OPRD1: variants seen among roughly 807,000 people sequenced by gnomAD.
OPRD1 encodes delta-type opioid receptor.
A neutral mutation model predicts 17.5 loss-of-function variants in OPRD1; 19 were observed. The observed-to-expected ratio is 1.09, with a 90% confidence interval of 0.76 to 1.60. The LOEUF is 1.60. Ranked by LOEUF, OPRD1 falls within the 40% of genes most tolerant of loss-of-function variation. The pLI is 0.00. For missense variants in OPRD1, 483 were observed against 547.2 expected, an observed-to-expected ratio of 0.88 and a Z score of 1.17; for synonymous variants, 256 against 240.9, an observed-to-expected ratio of 1.06 and a Z score of -0.58.
At chr1:28,822,062 C>T (rs2088718708) in intron 1 of OPRD1, among the ~76,000 whole-genome samples, 1 of 151,792 alleles carries the variant, frequency 6.6e-6, no homozygotes, top group Non-Finnish European at 1.5e-5. Flanking sequence ...AGCGATTCTC[C>T]TGCCTCAGCC....
chr1:28,862,735 G>T lies in OPRD1; in HGVS notation c.578-7G>T. The T allele has an allele frequency of 6.3e-7, 1 of 1,581,970 alleles. No individual in the cohort carries two copies. Among genetic ancestry groups the T allele is most frequent in the Non-Finnish European group, 8.6e-7 (1 of 1,162,940 alleles). The stretch of plus-strand genomic sequence containing the variant: ...CCCGTCTGTCTTTCCTTGTTTCCGC[G>T]GCCCAGACGGGGCAGTGGTGTGCAT... On this transcript the variant is annotated splice_polypyrimidine_tract_variant and splice_region_variant and intron_variant, in intron 2 of 2. Coordinates refer to ENST00000234961, the MANE Select transcript of OPRD1 (RefSeq NM_000911.4).
chr1:28,816,142 C>T (rs2088670201), intron 1 of OPRD1, among the ~76,000 whole-genome samples: 1 of 152,182 alleles, frequency 6.6e-6, no homozygotes, highest in Non-Finnish European at 1.5e-5. Context: ...ATTCTACATG[C>T]TCTGTGCTAA....
rs1379290875 is a variant in OPRD1 at position 28,867,668 on chromosome 1, A to C, written c.*4385A>C. ...TCATACCTCGTCTTGATGCAGTAGA[A>C]GTAGTGGTTAAGCCTGGAATCAGAT... On this transcript the variant is annotated 3_prime_UTR_variant, in exon 3 of 3. Coordinates refer to ENST00000234961, the MANE Select transcript of OPRD1 (RefSeq NM_000911.4). 6.6e-6 allele frequency: 1 copy of C among 152,526 alleles called. No homozygotes were observed. The highest frequency in any genetic ancestry group is 1.5e-5 in the Non-Finnish European group (1 of 68,350). 9.4% of individuals were successfully genotyped at this position (152,526 alleles called of 1,614,324 possible).
chr1:28,821,643 T>C (rs1379491637), intron 1 of OPRD1, among the ~76,000 whole-genome samples: 6 of 152,238 alleles, frequency 3.9e-5, no homozygotes, highest in Non-Finnish European at 4.4e-5. Context: ...ATGTTAAGCA[T>C]GTGCTCTTCT....
At chr1:28,830,134 G>T (rs779935179) in intron 1 of OPRD1, among the ~76,000 whole-genome samples, 3 of 152,132 alleles carry the variant, frequency 2.0e-5, no homozygotes, top group Non-Finnish European at 4.4e-5. Flanking sequence ...TGGCCAGTCA[G>T]TGGAGCGGTC....
chr1:28,844,906 G>A (rs951270303), intron 1 of OPRD1, among the ~76,000 whole-genome samples: 11 of 151,716 alleles, frequency 7.3e-5, no homozygotes, highest in Non-Finnish European at 1.3e-4. Flanking sequence ...TACCACTCTC[G>A]GCTAATTTTT....
intron 1 of OPRD1, among the ~76,000 whole-genome samples, chr1:28,849,932 T>G (rs907261857): frequency 2.9e-4 from 41 of 141,602 alleles, no homozygotes; most frequent in Non-Finnish European, 3.8e-4. Context: ...CAGGCTGGAG[T>G]GCAGTGGCGC....
chr1:28,812,641 C>T, intron 1 of OPRD1, 31 bp downstream of exon 1: 1 of 1,454,688 alleles, frequency 6.9e-7, no homozygotes, highest in Non-Finnish European at 9.1e-7. Context: ...CGCCGCAGGG[C>T]TGGAGCCCGG....
intron 2 of OPRD1, among the ~76,000 whole-genome samples, chr1:28,861,381 A>G (rs899024806): frequency 6.6e-6 from 1 of 152,046 alleles, no homozygotes; most frequent in African/African-American, 2.4e-5. Context: ...TTCCTATCTC[A>G]AGAAGGAAGT....
chr1:28,841,449 G>T (rs949112898), intron 1 of OPRD1, among the ~76,000 whole-genome samples: 2 of 152,284 alleles, frequency 1.3e-5, no homozygotes, highest in South Asian at 2.1e-4. Flanking sequence ...ATAGATATGC[G>T]CTTGTGTCCT....
At position 28,861,472 on chromosome 1, in the gene OPRD1, T is replaced by G. The variant is rs1174137693; in HGVS notation, c.578-1270T>G. 3.9e-5 allele frequency among the ~76,000 whole-genome samples: 6 copies of G among 152,298 alleles called. No homozygotes were observed. The East Asian group carries it at 9.6e-4, about 24-fold the overall frequency. Reference sequence around the variant, plus strand: ...TTTTTGTTGTTGTTTTGAGACAGGGTCTCGCTCTGTCACCCAGGCTGGAGT... The same window carrying G: ...TTTTTGTTGTTGTTTTGAGACAGGGGCTCGCTCTGTCACCCAGGCTGGAGT... On this transcript the variant is annotated intron_variant, in intron 2 of 2. Transcript: ENST00000234961.
At chr1:28,835,632 C>T (rs1037715828) in intron 1 of OPRD1, among the ~76,000 whole-genome samples, 9 of 152,210 alleles carry the variant, frequency 5.9e-5, no homozygotes, top group African/African-American at 2.2e-4. Flanking sequence ...CCAGCTGGAC[C>T]CCGGCTGACT....
intron 1 of OPRD1, among the ~76,000 whole-genome samples, chr1:28,839,845 G>A (rs530323289): frequency 6.6e-6 from 1 of 152,360 alleles, no homozygotes; most frequent in Non-Finnish European, 1.5e-5. Context: ...GGGCACCTGG[G>A]CTGGCCCAGG....
rs1368106068 is a variant in OPRD1, at chr1:28,816,260, T to C, written c.227+3650T>C. Among the ~76,000 whole-genome samples, 3 of 151,834 alleles carry C rather than the reference T, an allele frequency of 2.0e-5. No individual in the cohort carries two copies. In the East Asian group the frequency reaches 5.8e-4, roughly 29 times the overall value. On this transcript the variant is annotated intron_variant, in intron 1 of 2. Transcript: ENST00000234961. ...TCCAATAAACTGAAGTTTGTAGCTGTGGTAGGGGCTATCTGTGAAAGTATG... is the reference window on the plus strand; with the variant it reads ...TCCAATAAACTGAAGTTTGTAGCTGCGGTAGGGGCTATCTGTGAAAGTATG...
chr1:28,858,790 C>A (rs1171072202), intron 1 of OPRD1, among the ~76,000 whole-genome samples, 164 bp from the exon 2 acceptor site: 2 of 152,104 alleles, frequency 1.3e-5, no homozygotes, highest in Admixed American at 6.6e-5. Flanking sequence ...AGGTGATCCA[C>A]CCGCCTTGGC....
intron 1 of OPRD1, among the ~76,000 whole-genome samples, chr1:28,853,441 T>C (rs542016942): frequency 1.6e-4 from 24 of 152,362 alleles, no homozygotes; most frequent in African/African-American, 5.5e-4. Context: ...GAGAGAAACC[T>C]TTCATTTGTT....
At chr1:28,858,275 G>A (rs1472898350) in intron 1 of OPRD1, among the ~76,000 whole-genome samples, 14 of 147,992 alleles carry the variant, frequency 9.5e-5, no homozygotes, top group Admixed American at 2.0e-4. Context: ...CATCACGCCC[G>A]GCTATTTTTT....
chr1:28,860,336 GC>G (rs1297948127), intron 2 of OPRD1, among the ~76,000 whole-genome samples: 1 of 150,468 alleles, frequency 6.6e-6, no homozygotes, highest in Non-Finnish European at 1.5e-5. Flanking sequence ...CTGCACTCCA[GC>G]TTGGGCGACA....
At chr1:28,819,909 G>T (rs1260455313) in intron 1 of OPRD1, among the ~76,000 whole-genome samples, 1 of 152,152 alleles carries the variant, frequency 6.6e-6, no homozygotes, top group Non-Finnish European at 1.5e-5. Flanking sequence ...GACTGACCTG[G>T]AATTACATCC....
Sources: allele counts gnomAD v4.1 joint callset (sites outside exome capture counted in the v4.1 genomes callset), GRCh38; gene constraint gnomAD v4.1.1; transcripts MANE v1.5; gene names NCBI Gene and HGNC (gene_info 2026-07-23, HGNC 2026-07-21).